GRID1: variants seen among roughly 807,000 people sequenced by gnomAD.
GRID1 encodes the protein glutamate receptor ionotropic, delta-1.
Under a neutral mutation model 98.0 loss-of-function variants are expected in GRID1, and 28 were observed. That is an observed-to-expected ratio of 0.29 (90% CI 0.21 to 0.39). The LOEUF is 0.39. Ranked by LOEUF, GRID1 falls within the 10% of genes least tolerant of loss-of-function variation. GRID1 has a pLI of 1.00. For missense variants in GRID1, 1,111 were observed against 1,340.5 expected (o/e 0.83, Z 2.67); for synonymous variants, 553 against 538.5 (o/e 1.03, Z -0.37).
At chr10:85,940,431 C>T (rs896683254) in intron 4 of GRID1, among the ~76,000 whole-genome samples, 1 of 152,200 alleles carries the variant, frequency 6.6e-6, no homozygotes. Context: ...CCCAGAGCTG[C>T]TGGCAACCCT....
At chr10:86,321,410 T>A (rs544775137) in intron 2 of GRID1, among the ~76,000 whole-genome samples, 7 of 152,330 alleles carry the variant, frequency 4.6e-5, no homozygotes, top group African/African-American at 1.2e-4. Context: ...AACACTTTTT[T>A]AAAAATCCAT....
chr10:85,937,835 AAAG>A (rs1194380892), intron 4 of GRID1, among the ~76,000 whole-genome samples: 4 of 152,214 alleles, frequency 2.6e-5, no homozygotes, highest in Non-Finnish European at 4.4e-5. Context: ...CCCCCACCAC[AAAG>A]AAGTGCCCAG....
At chr10:86,179,662 A>G (rs1321870418) in intron 3 of GRID1, among the ~76,000 whole-genome samples, 1 of 152,138 alleles carries the variant, frequency 6.6e-6, no homozygotes, top group African/African-American at 2.4e-5. Context: ...CCTCTATGGG[A>G]ACATCTGTAC....
chr10:85,702,717 G>T (rs1255538899), intron 12 of GRID1, among the ~76,000 whole-genome samples: 1 of 150,674 alleles, frequency 6.6e-6, no homozygotes, highest in Admixed American at 6.6e-5. Flanking sequence ...AACAGAAAAA[G>T]GAAAAGGAGA....
At chr10:85,930,174 C>A (rs903536486) in intron 4 of GRID1, among the ~76,000 whole-genome samples, 2 of 150,022 alleles carry the variant, frequency 1.3e-5, no homozygotes, top group Non-Finnish European at 3.0e-5. Flanking sequence ...AAATAACTTG[C>A]GGTTATTTAT....
At chr10:86,076,359 C>T (rs1234994326) in intron 4 of GRID1, among the ~76,000 whole-genome samples, 5 of 152,146 alleles carry the variant, frequency 3.3e-5, no homozygotes, top group East Asian at 3.9e-4. Context: ...ATGTGGAAGT[C>T]GGTCATGAAT....
intron 2 of GRID1, among the ~76,000 whole-genome samples, chr10:86,347,759 T>G (rs910711459): frequency 1.3e-5 from 2 of 152,230 alleles, no homozygotes; most frequent in Admixed American, 1.3e-4. Flanking sequence ...CCTGTTTTGC[T>G]TAGGCCCAAA....
At chr10:86,210,239 T>G (rs1589412067) in intron 2 of GRID1, among the ~76,000 whole-genome samples, 1 of 152,006 alleles carries the variant, frequency 6.6e-6, no homozygotes, top group African/African-American at 2.4e-5. Context: ...GACAAAGACA[T>G]ATAGCCGGGC....
At chr10:85,801,122 T>G (rs1842572990) in intron 8 of GRID1, among the ~76,000 whole-genome samples, 2 of 152,068 alleles carry the variant, frequency 1.3e-5, no homozygotes, top group Admixed American at 1.3e-4. Flanking sequence ...AGAATATTAT[T>G]AATTCCTTTA....
chr10:86,036,510 G>A (rs1188347432), intron 4 of GRID1, among the ~76,000 whole-genome samples: 1 of 152,154 alleles, frequency 6.6e-6, no homozygotes. Context: ...CCTCGAGCCT[G>A]TCACCTCCAG....
intron 12 of GRID1, among the ~76,000 whole-genome samples, chr10:85,675,923 G>C (rs1314940786): frequency 6.6e-6 from 1 of 152,162 alleles, no homozygotes; most frequent in African/African-American, 2.4e-5. Flanking sequence ...ATGTGAAGAT[G>C]TAATTGGAAA....
chr10:85,969,079 G>C (rs919904965), intron 4 of GRID1, among the ~76,000 whole-genome samples: 1 of 152,112 alleles, frequency 6.6e-6, no homozygotes, highest in Non-Finnish European at 1.5e-5. Flanking sequence ...TAAGACAAAA[G>C]TGCTATTGAA....
At chr10:85,641,399 A>G (rs1379432555) in intron 13 of GRID1, among the ~76,000 whole-genome samples, 3 of 152,246 alleles carry the variant, frequency 2.0e-5, no homozygotes, top group Non-Finnish European at 4.4e-5. Flanking sequence ...AAGGAGCAGT[A>G]TGGCTGCTAA....
chr10:86,340,840 A>T lies in GRID1; in HGVS notation c.235+23101T>A, dbSNP rs530246600. Among the ~76,000 whole-genome samples the T allele has an allele frequency of 9.0e-4, 137 of 152,128 alleles. 2 individuals are homozygous for T. The highest frequency in any genetic ancestry group is 2.1e-4 in the Non-Finnish European group (14 of 68,012). On this transcript the variant is annotated intron_variant, in intron 2 of 15. Coordinates refer to ENST00000327946, the MANE Select transcript of GRID1 (RefSeq NM_017551.3). ...AGCTGCCTGGAGGCGGTGGCCCTGGACAAACACCTGGAGGGTGTCAAGGGA... is the reference window on the plus strand; with the variant it reads ...AGCTGCCTGGAGGCGGTGGCCCTGGTCAAACACCTGGAGGGTGTCAAGGGA...
At chr10:86,291,305 C>T (rs537891950) in intron 2 of GRID1, among the ~76,000 whole-genome samples, 1 of 152,336 alleles carries the variant, frequency 6.6e-6, no homozygotes, top group African/African-American at 2.4e-5. Flanking sequence ...TCCCCACTGA[C>T]TCCTCGCCCT....
At chr10:86,298,471 G>A (rs1023500153) in intron 2 of GRID1, among the ~76,000 whole-genome samples, 15 of 151,962 alleles carry the variant, frequency 9.9e-5, no homozygotes, top group East Asian at 1.9e-4. Flanking sequence ...CTCACCTGAC[G>A]TTCACTCCCT....
rs73330551 is a variant in GRID1 at position 85,817,943 on chromosome 10, A to G, written c.1233+36553T>C. ...ACAAATGAAAGGCATAACCTCACTG[A>G]AGGCAGTGGGGGAAAGGGAGTTGAC... On this transcript the variant is annotated intron_variant, in intron 8 of 15. Transcript: ENST00000327946. 5.7e-3 allele frequency among the ~76,000 whole-genome samples: 872 copies of G among 152,318 alleles called. 8 individuals carry two copies. Among genetic ancestry groups the G allele is most frequent in the African/African-American group, 0.02 (820 of 41,588 alleles).
At chr10:86,363,711 C>G (rs78023312) in intron 2 of GRID1, among the ~76,000 whole-genome samples, 45,229 of 152,234 alleles carry the variant, frequency 0.3, 9,719 homozygotes, top group African/African-American at 0.59. Flanking sequence ...CCCGCAAGAA[C>G]ACCAGCTCCC....
At chr10:86,289,603 C>G (rs1007860730) in intron 2 of GRID1, among the ~76,000 whole-genome samples, 1 of 152,070 alleles carries the variant, frequency 6.6e-6, no homozygotes, top group Non-Finnish European at 1.5e-5. Context: ...CTCCTGCTTA[C>G]CAAGCTCTAA....
Sources: gnomAD v4.1 joint callset for allele counts (sites outside exome capture counted in the v4.1 genomes callset) on GRCh38, gnomAD v4.1.1 for gene constraint, MANE v1.5 for transcripts, NCBI Gene and HGNC (gene_info 2026-07-23, HGNC 2026-07-21) for gene names.